Variants in ANK3 observed in about 807,000 individuals in gnomAD.
ANK3 encodes the protein ankyrin 3.
In ANK3, 57 loss-of-function variants were observed where a neutral mutation model predicts 370.9. The observed-to-expected ratio is 0.15, with a 90% CI of 0.12 to 0.19. The LOEUF (loss-of-function observed/expected upper bound fraction) is 0.19. Among genes scored for constraint, ANK3 ranks in the 10% least tolerant of loss-of-function variants. The pLI, the probability that ANK3 is intolerant of heterozygous loss-of-function variation, is 1.00. For synonymous variants in ANK3, 1,929 were observed against 1,946.3 expected (o/e 0.99, Z 0.23); for missense variants, 4,439 against 5,302.1 (o/e 0.84, Z 5.06).
intron 1 of ANK3, among the ~76,000 whole-genome samples, chr10:60,615,596 T>A (rs1175313441): frequency 6.6e-6 from 1 of 152,130 alleles, no homozygotes; most frequent in Non-Finnish European, 1.5e-5. Flanking sequence ...TAATTTAAAA[T>A]TTTTTTCCTC....
chr10:60,452,915 A>C (rs754958057), intron 2 of ANK3, among the ~76,000 whole-genome samples: 1 of 152,176 alleles, frequency 6.6e-6, no homozygotes, highest in Non-Finnish European at 1.5e-5. Flanking sequence ...ACACCTGGAC[A>C]CCAATCATCC....
rs2043461668 is a variant in ANK3, at chr10:60,300,511, A to C, written c.115-20872T>G. ...CAGAAGCAACTAACTAGAGTATTTAAATGGAGGGTGGGCGGGGCAGACAAG... is the reference window on the plus strand; with the variant it reads ...CAGAAGCAACTAACTAGAGTATTTACATGGAGGGTGGGCGGGGCAGACAAG... On this transcript the variant is annotated intron_variant, in intron 1 of 43. Coordinates refer to ENST00000280772, the MANE Select transcript of ANK3 (RefSeq NM_020987.5). 3 of 1,237,074 alleles carry C rather than the reference A, an allele frequency of 2.4e-6. No individual in the cohort carries two copies. The South Asian group carries it at 4.2e-5, about 17-fold the overall frequency. 76.6% of individuals were successfully genotyped at this position (1,237,074 alleles called of 1,614,324 possible).
At chr10:60,648,438 C>T (rs1240657310) in intron 1 of ANK3, among the ~76,000 whole-genome samples, 3 of 141,034 alleles carry the variant, frequency 2.1e-5, no homozygotes, top group Non-Finnish European at 3.1e-5. Flanking sequence ...GGATTACAGG[C>T]GTGAGCCACC....
chr10:60,300,535 A>G (rs924713646), intron 1 of ANK3: 28 of 1,214,508 alleles, frequency 2.3e-5, no homozygotes, highest in Middle Eastern at 3.4e-4. Flanking sequence ...GGGGCAGACA[A>G]GAGTACAGAA....
At chr10:60,416,422 TG>T (rs2063669906) in intron 2 of ANK3, among the ~76,000 whole-genome samples, 1 of 152,188 alleles carries the variant, frequency 6.6e-6, no homozygotes, top group Non-Finnish European at 1.5e-5. Context: ...GTGCACTGTG[TG>T]GTGTGTTTAT....
At chr10:60,051,656 G>GTTT in intron 42 of ANK3, 1 of 169,850 alleles carries the variant, frequency 5.9e-6, no homozygotes, top group Non-Finnish European at 9.6e-6. Context: ...CTTACTTGAT[G>GTTT]TTTTCTTCTT....
chr10:60,340,350 C>T (rs528425793), intron 1 of ANK3, among the ~76,000 whole-genome samples: 4 of 152,310 alleles, frequency 2.6e-5, no homozygotes, highest in South Asian at 4.1e-4. Flanking sequence ...CCTCTTGCTT[C>T]AGCCTCCTAA....
At chr10:60,159,332 T>C (rs1250682664) in intron 23 of ANK3, among the ~76,000 whole-genome samples, 1 of 151,966 alleles carries the variant, frequency 6.6e-6, no homozygotes, top group Non-Finnish European at 1.5e-5. Context: ...ACAAAGAAGG[T>C]CATTATATAA....
chr10:60,163,253 G>T (rs768485380), intron 23 of ANK3, among the ~76,000 whole-genome samples: 1 of 152,136 alleles, frequency 6.6e-6, no homozygotes, highest in Non-Finnish European at 1.5e-5. Flanking sequence ...AAAGTTTTAT[G>T]AATGTTATAT....
intron 7 of ANK3, among the ~76,000 whole-genome samples, chr10:60,252,036 A>G (rs2097675247): frequency 6.6e-6 from 1 of 152,204 alleles, no homozygotes; most frequent in African/African-American, 2.4e-5. Flanking sequence ...TATCTGGTCC[A>G]TGCTGATCTT....
intron 1 of ANK3, among the ~76,000 whole-genome samples, chr10:60,683,106 A>G (rs572478430): frequency 2.0e-5 from 3 of 152,224 alleles, no homozygotes; most frequent in African/African-American, 7.2e-5. Flanking sequence ...ATATGAGGAA[A>G]AACCCCCGCA....
chr10:60,219,290 C>T (rs998703384), intron 8 of ANK3, among the ~76,000 whole-genome samples: 1 of 152,022 alleles, frequency 6.6e-6, no homozygotes, highest in African/African-American at 2.4e-5. Flanking sequence ...GTCAATCTGT[C>T]CATCTGATCC....
rs1189724996 is a variant in ANK3, at chr10:60,134,478, A to G, written c.2739-105T>C. On this transcript the variant is annotated intron_variant, in intron 24 of 43. Transcript: ENST00000280772. ...AAGAACAGGCAAGATGGCTAAAAAT[A>G]TCAACAAAAGTTGTTCTTGAAAGGA... The G allele has an allele frequency of 2.1e-5, 16 of 768,886 alleles. No homozygotes were observed. In the East Asian group the frequency reaches 4.0e-4, roughly 19 times the overall value. 47.6% of individuals were successfully genotyped at this position (768,886 alleles called of 1,614,324 possible). A position where few individuals can be genotyped will look rare whatever the true frequency, so the allele number is the denominator to read the frequency against.
intron 1 of ANK3, among the ~76,000 whole-genome samples, chr10:60,679,639 C>T (rs992839973): frequency 6.6e-6 from 1 of 152,146 alleles, no homozygotes; most frequent in Non-Finnish European, 1.5e-5. Flanking sequence ...GGCCACCGTG[C>T]ATGCGGATAG....
At chr10:60,405,702 G>A (rs1204744500) in intron 2 of ANK3, among the ~76,000 whole-genome samples, 1 of 152,132 alleles carries the variant, frequency 6.6e-6, no homozygotes, top group Non-Finnish European at 1.5e-5. Context: ...AAGCTAATGT[G>A]TTTAGGGTGA....
rs765093969 is a variant in ANK3, at chr10:60,075,129, T to C, written c.5752A>G (p.Ile1918Val). 1.9e-6 allele frequency: 3 copies of C among 1,614,142 alleles called. No individual in the cohort carries two copies. The highest frequency in any genetic ancestry group is 1.1e-5 in the South Asian group (1 of 91,084). ...TCCTCAGGCACATCTGTCTGTAGTA[T>C]TGCGGTCATCCGCATTAGGTCCTCT... ...MKEDLMRMTAILQTDVPEEKP... is the reference protein window; with the variant it reads ...MKEDLMRMTAVLQTDVPEEKP... The change falls in exon 37 of 44, where the codon ATA becomes GTA. Residue 1918 changes from isoleucine to valine, a missense_variant. Transcript: ENST00000280772.
At chr10:60,667,205 A>G (rs2079008765) in intron 1 of ANK3, among the ~76,000 whole-genome samples, 1 of 129,188 alleles carries the variant, frequency 7.7e-6, no homozygotes, top group Non-Finnish European at 1.7e-5. Flanking sequence ...ATATTATATT[A>G]TATTATATTA....
chr10:60,261,612 T>C (rs1054209256), intron 7 of ANK3, among the ~76,000 whole-genome samples: 1 of 152,194 alleles, frequency 6.6e-6, no homozygotes, highest in Non-Finnish European at 1.5e-5. Flanking sequence ...ATCTTCTATA[T>C]ATGCATTTAT....
intron 18 of ANK3, among the ~76,000 whole-genome samples, chr10:60,174,866 T>C (rs1266502099): frequency 6.6e-6 from 1 of 152,026 alleles, no homozygotes; most frequent in Non-Finnish European, 1.5e-5. Context: ...ACTACAGGCA[T>C]GCACCACCAC....
Sources: gnomAD v4.1 joint callset for allele counts (sites outside exome capture counted in the v4.1 genomes callset) on GRCh38, gnomAD v4.1.1 for gene constraint, MANE v1.5 for transcripts, NCBI Gene and HGNC (gene_info 2026-07-23, HGNC 2026-07-21) for gene names.